Variants in PDE4D observed in about 807,000 individuals in gnomAD.
PDE4D encodes the protein phosphodiesterase 4D, also known as 3',5'-cyclic-AMP phosphodiesterase 4D.
PDE4D carries 24 observed loss-of-function variants against 87.4 expected under a neutral mutation model. That is an observed-to-expected ratio of 0.27 (90% CI 0.20 to 0.39). The LOEUF is 0.39. PDE4D is among the 10% of genes least tolerant of loss of function. The pLI is 1.00. For synonymous variants in PDE4D, 384 were observed against 383.2 expected, an observed-to-expected ratio of 1.00 and a Z score of -0.02; for missense variants, 714 against 1,041.0, an observed-to-expected ratio of 0.69 and a Z score of 4.32.
At chr5:60,022,559 A>G (rs977619514) in intron 2 of PDE4D, 1 of 152,116 alleles carries the variant, frequency 6.6e-6, no homozygotes, top group Non-Finnish European at 1.5e-5. Context: ...ATATCAATGA[A>G]GTTCTTGAGA....
At chr5:59,417,026 G>T (rs911078657) in intron 1 of PDE4D, among the ~76,000 whole-genome samples, 1 of 152,042 alleles carries the variant, frequency 6.6e-6, no homozygotes, top group South Asian at 2.1e-4. Flanking sequence ...CCCACTTTTC[G>T]AAATATTGTG....
chr5:60,014,530 C>T (rs1001346219), intron 2 of PDE4D, among the ~76,000 whole-genome samples: 1 of 152,068 alleles, frequency 6.6e-6, no homozygotes, highest in Non-Finnish European at 1.5e-5. Flanking sequence ...AGTAAGATAC[C>T]TCTTAAAACC....
chr5:59,612,898 T>C (rs994669631), intron 1 of PDE4D, among the ~76,000 whole-genome samples: 1 of 149,854 alleles, frequency 6.7e-6, no homozygotes, highest in African/African-American at 2.5e-5. Context: ...GGAGGAGGAG[T>C]AGGAGCTGAA....
At chr5:59,928,658 T>C (rs1755550527) in intron 3 of PDE4D, among the ~76,000 whole-genome samples, 1 of 152,096 alleles carries the variant, frequency 6.6e-6, no homozygotes, top group African/African-American at 2.4e-5. Flanking sequence ...CTATTTTGTC[T>C]TGCAAAAAGA....
At chr5:60,065,592 C>A (rs1771965092) in intron 2 of PDE4D, among the ~76,000 whole-genome samples, 1 of 152,052 alleles carries the variant, frequency 6.6e-6, no homozygotes, top group Non-Finnish European at 1.5e-5. Context: ...CCCCGCTCCC[C>A]CGACCCCACA....
At position 60,371,529 on chromosome 5, in the gene PDE4D, A is replaced by C. The variant is rs146019460; in HGVS notation, c.-90+116413T>G. Among the ~76,000 whole-genome samples the C allele has an allele frequency of 4.7e-3, 719 of 152,264 alleles. 5 individuals carry two copies. The highest frequency in any genetic ancestry group is 0.017 in the African/African-American group (705 of 41,536). Reference sequence around the variant, plus strand: ...CCTGGGCCTTATATTTTTTTATCTTAATTCTCTATTGAAATATAATATATG... The same window carrying C: ...CCTGGGCCTTATATTTTTTTATCTTCATTCTCTATTGAAATATAATATATG... On this transcript the variant is annotated intron_variant, in intron 1 of 16. Coordinates refer to the PDE4D transcript ENST00000502484.
At chr5:59,373,772 G>A (rs1317120838) in intron 1 of PDE4D, among the ~76,000 whole-genome samples, 1 of 152,114 alleles carries the variant, frequency 6.6e-6, no homozygotes, top group Non-Finnish European at 1.5e-5. Flanking sequence ...ACATGTTAAA[G>A]GCAGCTAGAA....
chr5:60,109,267 C>T (rs1418723820), intron 2 of PDE4D, among the ~76,000 whole-genome samples: 3 of 152,150 alleles, frequency 2.0e-5, no homozygotes, highest in African/African-American at 7.2e-5. Context: ...AAAATGCTCA[C>T]CATCACTGGC....
intron 5 of PDE4D, among the ~76,000 whole-genome samples, chr5:59,146,860 A>G (rs1056769905): frequency 3.1e-4 from 47 of 152,160 alleles, no homozygotes; most frequent in African/African-American, 1.1e-3. Flanking sequence ...CCTCTTTCAC[A>G]TTTCTGGCCC....
intron 1 of PDE4D, among the ~76,000 whole-genome samples, chr5:59,428,062 C>T (rs1795568371): frequency 6.6e-6 from 1 of 152,064 alleles, no homozygotes; most frequent in South Asian, 2.1e-4. Context: ...TAACTGCTTT[C>T]TTGATGTCTT....
At chr5:60,286,030 A>G (rs548367749) in intron 1 of PDE4D, among the ~76,000 whole-genome samples, 5 of 152,342 alleles carry the variant, frequency 3.3e-5, no homozygotes, top group Admixed American at 6.5e-5. Context: ...GCTGGTATCA[A>G]TGAAGACATT....
At chr5:60,221,850 G>A (rs1364527937) in intron 1 of PDE4D, among the ~76,000 whole-genome samples, 1 of 152,022 alleles carries the variant, frequency 6.6e-6, no homozygotes, top group Non-Finnish European at 1.5e-5. Flanking sequence ...AGACTCCTGT[G>A]AACATCCGGG....
chr5:59,745,308 T>C (rs1036109366), intron 1 of PDE4D, among the ~76,000 whole-genome samples: 3 of 152,036 alleles, frequency 2.0e-5, no homozygotes, highest in Admixed American at 6.5e-5. Context: ...TATAATTCTA[T>C]GCTCCATGGA....
At chr5:59,695,488 T>G (rs1751638491) in intron 1 of PDE4D, among the ~76,000 whole-genome samples, 1 of 152,224 alleles carries the variant, frequency 6.6e-6, no homozygotes, top group Non-Finnish European at 1.5e-5. Flanking sequence ...AATGGTCAAG[T>G]CACTCTTGTC....
chr5:59,125,944 G>A (rs1187490296), intron 5 of PDE4D, among the ~76,000 whole-genome samples: 1 of 152,058 alleles, frequency 6.6e-6, no homozygotes, highest in African/African-American at 2.4e-5. Flanking sequence ...TGAAGGCTCT[G>A]GCTCTGCTTA....
At chr5:59,514,326 C>T (rs575342486) in intron 1 of PDE4D, among the ~76,000 whole-genome samples, 2 of 152,046 alleles carry the variant, frequency 1.3e-5, no homozygotes, top group East Asian at 1.9e-4. Context: ...AGGATGGTCT[C>T]GATCTCCTGA....
chr5:58,981,108 T>G (rs1334901050), intron 11 of PDE4D, among the ~76,000 whole-genome samples: 1 of 152,154 alleles, frequency 6.6e-6, no homozygotes, highest in Non-Finnish European at 1.5e-5. Flanking sequence ...ATTCAAATGC[T>G]AATCTAATCT....
intron 1 of PDE4D, among the ~76,000 whole-genome samples, chr5:59,791,421 T>C (rs1430708186): frequency 2.6e-5 from 4 of 152,200 alleles, no homozygotes; most frequent in African/African-American, 9.7e-5. Context: ...GCTGATGGCA[T>C]TGCATGCTTT....
chr5:59,328,780 A>G (rs747529069), intron 1 of PDE4D, among the ~76,000 whole-genome samples: 3 of 152,236 alleles, frequency 2.0e-5, no homozygotes, highest in Non-Finnish European at 4.4e-5. Context: ...TTAAAAGTGG[A>G]CAATGAACTT....
Sources: allele counts gnomAD v4.1 joint callset (sites outside exome capture counted in the v4.1 genomes callset), GRCh38; gene constraint gnomAD v4.1.1; transcripts MANE v1.5; gene names NCBI Gene and HGNC (gene_info 2026-07-23, HGNC 2026-07-21).